The following BMS1 variants were observed in gnomAD, a reference collection of about 807,000 sequenced individuals.
BMS1 encodes the protein BMS1 ribosome biogenesis factor, also known as ribosome biogenesis protein BMS1 homolog.
BMS1 carries 53 observed loss-of-function variants against 138.7 expected under a neutral mutation model. That is an observed-to-expected ratio of 0.38 (90% CI 0.31 to 0.48). The LOEUF is 0.48. Ranked by LOEUF, BMS1 falls within the 20% of genes least tolerant of loss-of-function variation. The pLI, the probability that BMS1 is intolerant of heterozygous loss-of-function variation, is 0.97. For synonymous variants in BMS1, 504 were observed against 539.9 expected, an observed-to-expected ratio of 0.93 and a Z score of 0.92; for missense variants, 1,360 against 1,565.5, an observed-to-expected ratio of 0.87 and a Z score of 2.22.
intron 1 of BMS1, among the ~76,000 whole-genome samples, chr10:42,783,697 C>T (rs1841235414): frequency 6.6e-6 from 1 of 152,110 alleles, no homozygotes; most frequent in Non-Finnish European, 1.5e-5. Context: ...TCTGTAAGTT[C>T]ATGGGGTCTC....
intron 13 of BMS1, among the ~76,000 whole-genome samples, chr10:42,808,378 A>C (rs1842072850): frequency 1.3e-5 from 2 of 151,520 alleles, no homozygotes; most frequent in Admixed American, 1.3e-4. Context: ...CACTCACTGC[A>C]AGCTCTGTCC....
At position 42,833,716 on chromosome 10, in the gene BMS1, G is replaced by C. The variant is rs1842835540; in HGVS notation, c.*2620G>C. The C allele has an allele frequency of 6.6e-6, 1 of 152,240 alleles. No individual in the cohort carries two copies. The highest frequency in any genetic ancestry group is 2.4e-5 in the African/African-American group (1 of 41,466). 9.4% of individuals were successfully genotyped at this position (152,240 alleles called of 1,614,324 possible). A position where few individuals can be genotyped will look rare whatever the true frequency, so the allele number is the denominator to read the frequency against. ...TACACATAGTTTTTGCTGTGAGTTT[G>C]CATCCATCTCATAGGAAGACATATA... On this transcript the variant is annotated 3_prime_UTR_variant, in exon 23 of 23. Transcript: ENST00000374518.
rs35886214 is a variant in BMS1, at chr10:42,826,237, TTGTGTGTGTGTG to T, written c.3456+2485_3456+2496del. Among the ~76,000 whole-genome samples, 207 of 145,758 alleles carry T rather than the reference TTGTGTGTGTGTG, an allele frequency of 1.4e-3. 1 individual carries two copies. The highest frequency in any genetic ancestry group is 7.4e-3 in the South Asian group (33 of 4,460). ...GAAGTTGACCTGTAGTTTTTGTTTG[TTGTGTGTGTGTG>T]TGTGTGTGTGTGTGTGTGTGTGTGT... On this transcript the variant is annotated intron_variant, in intron 21 of 22. Coordinates refer to ENST00000374518, the MANE Select transcript of BMS1 (RefSeq NM_014753.4).
rs562933497 is a variant in BMS1 at position 42,795,111 on chromosome 10, G to A, written c.1229+1120G>A. On this transcript the variant is annotated intron_variant, in intron 9 of 22. Coordinates refer to ENST00000374518, the MANE Select transcript of BMS1 (RefSeq NM_014753.4). Reference sequence around the variant, plus strand: ...CATGAACTCATCCTTTTTTATGGCTGCATAGTATTCCATGGTGTATATGTG... The same window carrying A: ...CATGAACTCATCCTTTTTTATGGCTACATAGTATTCCATGGTGTATATGTG... Among the ~76,000 whole-genome samples the A allele has an allele frequency of 2.5e-3, 362 of 146,166 alleles. 6 individuals are homozygous for A. The highest frequency in any genetic ancestry group is 8.5e-3 in the African/African-American group (344 of 40,320).
In BMS1 at chr10:42,831,615, T is replaced by A. The variant is rs902660979; in HGVS notation, c.*519T>A. ...CACAAACCTAGATGGTACAGCCTAC[T>A]GTGCACCCAGGATCTATGGGCTCCT... On this transcript the variant is annotated 3_prime_UTR_variant, in exon 23 of 23. Coordinates refer to ENST00000374518, the MANE Select transcript of BMS1 (RefSeq NM_014753.4). The A allele has an allele frequency of 1.3e-5, 2 of 157,582 alleles. No homozygotes were observed. Among genetic ancestry groups the A allele is most frequent in the Non-Finnish European group, 2.8e-5 (2 of 71,164 alleles). 9.8% of individuals were successfully genotyped at this position (157,582 alleles called of 1,614,324 possible).
intron 19 of BMS1, 98 bp from the exon 20 acceptor site, chr10:42,823,020 T>C: frequency 1.6e-6 from 2 of 1,253,132 alleles, no homozygotes; most frequent in Non-Finnish European, 1.1e-6. Flanking sequence ...CAGTGAGTTG[T>C]TTTTGTTCTT....
chr10:42,805,344 GTACCAA>G, intron 13 of BMS1, among the ~76,000 whole-genome samples: 1 of 152,130 alleles, frequency 6.6e-6, no homozygotes, highest in East Asian at 1.9e-4. Flanking sequence ...GTTTATTTTT[GTACCAA>G]TACCAACACT....
chr10:42,823,114 G>C lies in BMS1; in HGVS notation c.3133-4G>C. ...TGTGTGTTTTTATCTTGCTATACCT[G>C]TAGGGAATGTTTAATTCTGCCTTGG... On this transcript the variant is annotated splice_polypyrimidine_tract_variant and splice_region_variant and intron_variant, in intron 19 of 22. Transcript: ENST00000374518. 1 of 1,573,740 alleles carries C rather than the reference G, an allele frequency of 6.4e-7. No homozygotes were observed. The highest frequency in any genetic ancestry group is 1.2e-5 in the South Asian group (1 of 83,432).
In BMS1 at chr10:42,797,084, A is replaced by T. The variant is rs1236213171; in HGVS notation, c.1840A>T (p.Arg614Ter). 6.2e-7 allele frequency: 1 copy of T among 1,614,270 alleles called. No homozygotes were observed. The highest frequency in any genetic ancestry group is 8.5e-7 in the Non-Finnish European group (1 of 1,180,036). The part of the protein sequence containing the change: ...EEDSENEEAI[R>*]KKLSKPSQVS... ...AGACTCAGAAAATGAAGAGGCTATTAGAAAAAAGCTTTCAAAGCCTTCTCA... is the reference window on the plus strand; with the variant it reads ...AGACTCAGAAAATGAAGAGGCTATTTGAAAAAAGCTTTCAAAGCCTTCTCA... The change falls in exon 10 of 23, where the codon AGA (arginine) becomes TGA (stop). Residue 614 changes from arginine (R) to a stop codon, truncating the protein, a stop_gained. Transcript: ENST00000374518. LOFTEE classifies it high-confidence loss of function.
At chr10:42,824,377 G>T (rs1398163516) in intron 21 of BMS1, among the ~76,000 whole-genome samples, 1 of 152,062 alleles carries the variant, frequency 6.6e-6, no homozygotes, top group Non-Finnish European at 1.5e-5. Flanking sequence ...CTGATTTTTG[G>T]ATATTAACAC....
At position 42,833,541 on chromosome 10, in the gene BMS1, T is replaced by A. The variant is rs1842832877; in HGVS notation, c.*2445T>A. 6.6e-6 allele frequency: 1 copy of A among 152,218 alleles called. No homozygotes were observed. The highest frequency in any genetic ancestry group is 2.4e-5 in the African/African-American group (1 of 41,454). The allele number at this position is 152,218 out of a possible 1,614,324, so 9.4% of individuals were successfully genotyped here. On this transcript the variant is annotated 3_prime_UTR_variant, in exon 23 of 23. Transcript: ENST00000374518. ...TACAAACCTGGGCAGCATGTGACTG[T>A]ACTGACTACTGTAGGCAGTTGTAAC... is the stretch of plus-strand genomic sequence containing the variant.
At chr10:42,830,124 T>A in intron 21 of BMS1, 137 bp from the exon 22 acceptor site, 1 of 977,190 alleles carries the variant, frequency 1.0e-6, no homozygotes, top group Non-Finnish European at 1.5e-6. Context: ...GATTGAGTCC[T>A]GATTTCTCAG....
intron 15 of BMS1, 90 bp downstream of exon 15, chr10:42,817,584 C>G: frequency 7.8e-7 from 1 of 1,285,456 alleles, no homozygotes; most frequent in Non-Finnish European, 1.1e-6. Context: ...ACGTCCTATC[C>G]TGCTTCTGTG....
intron 13 of BMS1, among the ~76,000 whole-genome samples, chr10:42,809,859 C>A (rs565107766): frequency 7.2e-5 from 11 of 152,226 alleles, no homozygotes; most frequent in African/African-American, 2.4e-4. Context: ...GATCATGGCT[C>A]ACCACAGCAT....
chr10:42,792,432 T>C lies in BMS1; in HGVS notation c.780-61T>C, dbSNP rs1377685420. Reference sequence around the variant, plus strand: ...AAGAGTGTGATGAATCATTGACACATGAAAGGAGGTATAGGAACTTTTGGC... The same window carrying C: ...AAGAGTGTGATGAATCATTGACACACGAAAGGAGGTATAGGAACTTTTGGC... On this transcript the variant is annotated intron_variant, in intron 6 of 22. Transcript: ENST00000374518. 9.4e-6 allele frequency: 15 copies of C among 1,587,582 alleles called. No individual in the cohort carries two copies. In the East Asian group the frequency reaches 2.9e-4, roughly 31 times the overall value.
At chr10:42,787,371 A>G (rs184477582) in intron 4 of BMS1, 124 bp downstream of exon 4, 34 of 776,530 alleles carry the variant, frequency 4.4e-5, no homozygotes, top group Admixed American at 2.0e-4. Flanking sequence ...ATCATCAGTG[A>G]TACGGTAGAT....
chr10:42,811,037 T>TTTA (rs1170969143), intron 13 of BMS1, among the ~76,000 whole-genome samples: 2 of 131,050 alleles, frequency 1.5e-5, no homozygotes, highest in Non-Finnish European at 3.2e-5. Context: ...CTGCCCTTTA[T>TTTA]TTATTATTAT....
chr10:42,792,561 A>T lies in BMS1; in HGVS notation c.848A>T (p.Tyr283Phe). 2 of 1,611,490 alleles carry T rather than the reference A, an allele frequency of 1.2e-6. No homozygotes were observed. The highest frequency in any genetic ancestry group is 8.5e-7 in the Non-Finnish European group (1 of 1,179,812). ...NIKCDRKVSL[Y>F]GYLRGAHLKN... is the part of the protein sequence containing the mutation. ...AAATGTGACCGGAAGGTGTCACTTT[A>T]TGGTTATTTAAGAGGAGCACACTTG... is the stretch of plus-strand genomic sequence containing the variant. The change falls in exon 7 of 23, where the codon TAT (tyrosine) becomes TTT (phenylalanine). Residue 283 changes from tyrosine (Y) to phenylalanine (F), a missense_variant. Tyr to Phe is a conservative substitution (Grantham distance 22). Around this residue, in one of 3 missense-constraint regions of BMS1, gnomAD observed 697 missense variants for 686.2 expected, o/e 1.02. Transcript: ENST00000374518.
At chr10:42,826,702 G>A (rs1478145111) in intron 21 of BMS1, among the ~76,000 whole-genome samples, 4 of 152,216 alleles carry the variant, frequency 2.6e-5, no homozygotes, top group South Asian at 2.1e-4. Context: ...TTCCTGGGAC[G>A]TGGGGGTGCC....
Sources: allele counts gnomAD v4.1 joint callset (sites outside exome capture counted in the v4.1 genomes callset), GRCh38; gene constraint gnomAD v4.1.1; regional missense constraint gnomAD v4.1.1; transcripts MANE v1.5; gene names NCBI Gene and HGNC (gene_info 2026-07-23, HGNC 2026-07-21).